The following MGST1 variants were observed in gnomAD, a reference collection of about 807,000 sequenced individuals.
MGST1 encodes the protein glutathione S-transferase 12.
A neutral mutation model predicts 8.9 loss-of-function variants in MGST1; 5 were observed. The ratio of observed to expected loss-of-function variants is 0.56; its 90% confidence interval spans 0.29 to 1.19. The LOEUF (loss-of-function observed/expected upper bound fraction) is 1.19, where lower values mean the gene tolerates loss of function less well. MGST1 is among the 50% of genes most tolerant of loss of function. The pLI, the probability that MGST1 is intolerant of heterozygous loss-of-function variation, is 0.08. For synonymous variants in MGST1, 54 were observed against 67.8 expected, an observed-to-expected ratio of 0.80 and a Z score of 1.00; for missense variants, 182 against 187.4, an observed-to-expected ratio of 0.97 and a Z score of 0.17.
At chr12:16,360,778 T>G (rs1355615898) in intron 3 of MGST1, among the ~76,000 whole-genome samples, 2 of 152,018 alleles carry the variant, frequency 1.3e-5, no homozygotes, top group Admixed American at 6.6e-5. Context: ...TTCCATGGAG[T>G]CTAAGTGACA....
At chr12:16,499,561 T>C (rs1255085513) in intron 4 of MGST1, among the ~76,000 whole-genome samples, 1 of 152,112 alleles carries the variant, frequency 6.6e-6, no homozygotes, top group Non-Finnish European at 1.5e-5. Context: ...TTTCAGTGGG[T>C]GCCATTACCA....
intron 1 of MGST1, chr12:16,348,783 GC>G (rs1204610192): frequency 1.4e-5 from 2 of 141,700 alleles, no homozygotes; most frequent in Non-Finnish European, 3.0e-5. Flanking sequence ...GGCTATGTGT[GC>G]GATTATCTTT....
At chr12:16,377,242 C>T (rs538489922), downstream of MGST1, 3 of 151,094 alleles carry the variant, frequency 2.0e-5, no homozygotes, top group South Asian at 6.3e-4. Flanking sequence ...GTGTGCTGCA[C>T]CCATTAACTC....
chr12:16,581,609 C>T (rs1943161706), intron 4 of MGST1, among the ~76,000 whole-genome samples: 1 of 152,140 alleles, frequency 6.6e-6, no homozygotes, highest in African/African-American at 2.4e-5. Context: ...CTTTCTTTCA[C>T]AATGTTAAAA....
rs1342859644 is a variant in MGST1, at chr12:16,401,266, A to G, written n.778+17662A>G. On this transcript the variant is annotated intron_variant and non_coding_transcript_variant, in intron 1 of 1. Coordinates refer to the MGST1 transcript ENST00000359720. The surrounding 1 kb of genome is among the most constrained non-coding windows in gnomAD (Gnocchi z 4.3). ...TGGCTTTTTCCCCTCCTTGTTAGTC[A>G]GGTCTGAGAATCCCAAACTGATGCT... The G allele has an allele frequency of 1.0e-5, 16 of 1,562,972 alleles. No individual in the cohort carries two copies. Among genetic ancestry groups the G allele is most frequent in the Non-Finnish European group, 1.4e-5 (16 of 1,136,406 alleles).
At chr12:16,441,151 C>G (rs184396406), downstream of MGST1, among the ~76,000 whole-genome samples, 1 of 151,692 alleles carries the variant, frequency 6.6e-6, no homozygotes, top group Admixed American at 6.6e-5. Flanking sequence ...GTACAGATTG[C>G]CTTTCTTTCT....
chr12:16,473,867 C>G (rs572074558), intron 4 of MGST1, among the ~76,000 whole-genome samples: 19 of 152,014 alleles, frequency 1.2e-4, no homozygotes, highest in Non-Finnish European at 2.6e-4. Flanking sequence ...GGTGACAGAG[C>G]AAGACTCTGT....
intron 4 of MGST1, chr12:16,573,971 T>G (rs1012409618): frequency 6.6e-6 from 1 of 152,208 alleles, no homozygotes; most frequent in Non-Finnish European, 1.5e-5. Flanking sequence ...ATTACGGAAC[T>G]GGAGTCCGTG....
In MGST1 at chr12:16,401,251, C is replaced by T; in HGVS notation, n.778+17647C>T. 6.4e-7 allele frequency: 1 copy of T among 1,566,538 alleles called. No homozygotes were observed. Among genetic ancestry groups the T allele is most frequent in the East Asian group, 2.2e-5 (1 of 44,562 alleles). ...ATAGGTTTTCTCTTCTGGCTTTTTCCCCTCCTTGTTAGTCAGGTCTGAGAA... is the reference window on the plus strand; with the variant it reads ...ATAGGTTTTCTCTTCTGGCTTTTTCTCCTCCTTGTTAGTCAGGTCTGAGAA... On this transcript the variant is annotated intron_variant and non_coding_transcript_variant, in intron 1 of 1. Transcript: ENST00000359720. This position sits in a 1 kb window ranked among gnomAD's most constrained non-coding sequence, Gnocchi z 4.3.
At chr12:16,430,953 A>G (rs1314555287) in intron 1 of MGST1, among the ~76,000 whole-genome samples, 4 of 152,226 alleles carry the variant, frequency 2.6e-5, no homozygotes, top group African/African-American at 7.2e-5. Context: ...TTTGTTATCT[A>G]CAGTAGCCAA....
chr12:16,592,930 TA>T (rs1272159260), downstream of MGST1, among the ~76,000 whole-genome samples: 1 of 151,908 alleles, frequency 6.6e-6, no homozygotes, highest in Non-Finnish European at 1.5e-5. Context: ...AACATTGTTC[TA>T]AAAGTTTTAG....
At chr12:16,492,117 A>G (rs769506400) in intron 4 of MGST1, among the ~76,000 whole-genome samples, 2 of 152,218 alleles carry the variant, frequency 1.3e-5, no homozygotes, top group Non-Finnish European at 2.9e-5. Flanking sequence ...TTCAATGTTC[A>G]TATGAAAAAA....
chr12:16,381,498 C>T (rs1940453719), downstream of MGST1, among the ~76,000 whole-genome samples: 1 of 152,164 alleles, frequency 6.6e-6, no homozygotes, highest in Non-Finnish European at 1.5e-5. Flanking sequence ...AGAGTTTCTG[C>T]CGAGAGATCA....
intron 4 of MGST1, among the ~76,000 whole-genome samples, chr12:16,467,468 A>G (rs1421577842): frequency 6.6e-6 from 1 of 152,194 alleles, no homozygotes; most frequent in African/African-American, 2.4e-5. Flanking sequence ...ATTATACAGA[A>G]CTTACTCTGA....
intron 4 of MGST1, among the ~76,000 whole-genome samples, chr12:16,526,625 G>T (rs753884878): frequency 1.3e-5 from 2 of 151,968 alleles, no homozygotes; most frequent in African/African-American, 4.8e-5. Context: ...TATTACCAAG[G>T]TCTTGCCATA....
chr12:16,544,779 A>G lies in MGST1; in HGVS notation n.483-44749A>G, dbSNP rs1456459634. Among the ~76,000 whole-genome samples, 2 of 152,038 alleles carry G rather than the reference A, an allele frequency of 1.3e-5. No homozygotes were observed. Among genetic ancestry groups the G allele is most frequent in the African/African-American group, 4.8e-5 (2 of 41,424 alleles). On this transcript the variant is annotated intron_variant and non_coding_transcript_variant, in intron 4 of 4. Coordinates refer to the MGST1 transcript ENST00000538857. This position sits in a 1 kb window ranked among gnomAD's most constrained non-coding sequence, Gnocchi z 4.8. The stretch of plus-strand genomic sequence containing the variant: ...AAGCACTGGGTTATGAAAAATTATA[A>G]CCTATATGAAAGACTTGGAATTATG...
intron 1 of MGST1, among the ~76,000 whole-genome samples, chr12:16,412,048 A>C (rs543514346): frequency 4.6e-5 from 7 of 152,202 alleles, no homozygotes; most frequent in Non-Finnish European, 1.0e-4. Context: ...AAAATTAGTC[A>C]CTATTATTAC....
intron 1 of MGST1, among the ~76,000 whole-genome samples, chr12:16,425,250 A>G (rs1940875728): frequency 6.6e-6 from 1 of 152,200 alleles, no homozygotes; most frequent in African/African-American, 2.4e-5. Flanking sequence ...ATCCATAAAA[A>G]TATAAATATT....
At chr12:16,353,689 T>A (rs1939577087) in intron 1 of MGST1, among the ~76,000 whole-genome samples, 1 of 152,042 alleles carries the variant, frequency 6.6e-6, no homozygotes, top group South Asian at 2.1e-4. Context: ...CCCTTTTTTT[T>A]CAAGTAGTAC....
Sources: gnomAD v4.1 joint callset for allele counts (sites outside exome capture counted in the v4.1 genomes callset) on GRCh38, gnomAD v4.1.1 for gene constraint, Gnocchi (gnomAD v3.1) non-coding constraint, MANE v1.5 for transcripts, NCBI Gene and HGNC (gene_info 2026-07-23, HGNC 2026-07-21) for gene names.